The following ADAM22 variants were observed in gnomAD, a reference collection of about 807,000 sequenced individuals.
The protein encoded by ADAM22 is ADAM metallopeptidase domain 22.
ADAM22 carries 65 observed loss-of-function variants against 144.6 expected under a neutral mutation model. The observed-to-expected ratio is 0.45, with a 90% CI of 0.37 to 0.55. The LOEUF is 0.55. Ranked by LOEUF, ADAM22 falls within the 20% of genes least tolerant of loss-of-function variation. ADAM22 has a pLI of 0.00. For synonymous variants in ADAM22, 391 were observed against 412.6 expected (o/e 0.95, Z 0.63); for missense variants, 974 against 1,184.9 (o/e 0.82, Z 2.61).
At chr7:88,066,269 T>A (rs1465363713) in intron 3 of ADAM22, among the ~76,000 whole-genome samples, 1 of 152,142 alleles carries the variant, frequency 6.6e-6, no homozygotes, top group Non-Finnish European at 1.5e-5. Context: ...ATGTTCATAT[T>A]CTGGAAATTT....
intron 14 of ADAM22, among the ~76,000 whole-genome samples, chr7:88,140,724 T>A (rs1263701531): frequency 1.3e-5 from 2 of 152,078 alleles, no homozygotes; most frequent in African/African-American, 4.8e-5. Context: ...TAGTCCCAGC[T>A]ACTCGGGAGG....
chr7:88,087,083 A>G (rs1818638045), intron 4 of ADAM22, among the ~76,000 whole-genome samples: 1 of 152,206 alleles, frequency 6.6e-6, no homozygotes, highest in Admixed American at 6.5e-5. Context: ...AAGGAGTAAT[A>G]AAGCTGCAGT....
chr7:88,111,137 C>T (rs559659939), intron 5 of ADAM22, among the ~76,000 whole-genome samples: 1 of 151,916 alleles, frequency 6.6e-6, no homozygotes, highest in Non-Finnish European at 1.5e-5. Flanking sequence ...TTGTGTATGA[C>T]CATTTTAGGC....
intron 3 of ADAM22, among the ~76,000 whole-genome samples, chr7:88,036,427 A>G (rs916703100): frequency 6.6e-6 from 1 of 152,166 alleles, no homozygotes; most frequent in African/African-American, 2.4e-5. Flanking sequence ...GGGAGTAAAG[A>G]TGTAAAATAT....
chr7:88,019,531 A>G (rs907230217), intron 3 of ADAM22, among the ~76,000 whole-genome samples: 2 of 151,994 alleles, frequency 1.3e-5, no homozygotes, highest in Non-Finnish European at 2.9e-5. Flanking sequence ...GAAATTTATA[A>G]TGGTATAAAC....
At chr7:88,113,703 A>ATATATATATTATAAATATAT (rs1554478728) in intron 5 of ADAM22, among the ~76,000 whole-genome samples, 1 of 48,106 alleles carries the variant, frequency 2.1e-5, no homozygotes, top group African/African-American at 8.0e-5. Context: ...TAAATAAATA[A>ATATATATATTATAAATATAT]ATATATATAT....
At chr7:87,964,609 T>C (rs904450463) in intron 2 of ADAM22, 3 of 420,020 alleles carry the variant, frequency 7.1e-6, no homozygotes, top group African/African-American at 2.1e-5. Context: ...GTTTGAAAAA[T>C]TGTACTCATT....
chr7:88,103,514 A>T lies in ADAM22; in HGVS notation c.391-4662A>T, dbSNP rs17150234. 4.9e-3 allele frequency among the ~76,000 whole-genome samples: 743 copies of T among 152,086 alleles called. 11 individuals carry two copies. The highest frequency in any genetic ancestry group is 0.037 in the East Asian group (192 of 5,182). ...ATCGTCTTCATTTTTATAGAGGTAG[A>T]TTTTTTTTAGCTATAACTATGTAGC... On this transcript the variant is annotated intron_variant, in intron 4 of 31. Transcript: ENST00000413139.
At chr7:88,039,464 A>AAATATATAT in intron 3 of ADAM22, among the ~76,000 whole-genome samples, 1 of 76,378 alleles carries the variant, frequency 1.3e-5, no homozygotes, top group Non-Finnish European at 2.7e-5. Flanking sequence ...AAAAAAAAAA[A>AAATATATAT]ATATATATAT....
chr7:88,073,355 G>C (rs908540959), intron 3 of ADAM22, among the ~76,000 whole-genome samples: 1 of 152,112 alleles, frequency 6.6e-6, no homozygotes, highest in Non-Finnish European at 1.5e-5. Flanking sequence ...AGGGTCATGA[G>C]AGGAGCCAGT....
chr7:88,196,233 T>C (rs1850642766), intron 31 of ADAM22, among the ~76,000 whole-genome samples: 1 of 152,230 alleles, frequency 6.6e-6, no homozygotes, highest in Admixed American at 6.5e-5. Flanking sequence ...TAAATGAGGA[T>C]GTGATGGTTT....
chr7:87,951,985 T>TG (rs1220742952), intron 2 of ADAM22, among the ~76,000 whole-genome samples: 1 of 149,272 alleles, frequency 6.7e-6, no homozygotes, highest in Non-Finnish European at 1.5e-5. Context: ...TTTTGTACAT[T>TG]GATTTTGTAT....
At chr7:87,944,132 T>G (rs1300571512) in intron 2 of ADAM22, among the ~76,000 whole-genome samples, 1 of 152,072 alleles carries the variant, frequency 6.6e-6, no homozygotes, top group Non-Finnish European at 1.5e-5. Flanking sequence ...ATTTCTATTC[T>G]GCTTTATTTT....
intron 3 of ADAM22, among the ~76,000 whole-genome samples, chr7:88,007,080 A>T (rs538365682): frequency 6.6e-6 from 1 of 152,338 alleles, no homozygotes; most frequent in Admixed American, 6.5e-5. Flanking sequence ...CAATGTACAA[A>T]AATCACAAGC....
intron 29 of ADAM22, among the ~76,000 whole-genome samples, chr7:88,182,393 C>A (rs1005179544): frequency 2.6e-5 from 4 of 152,142 alleles, no homozygotes; most frequent in Non-Finnish European, 5.9e-5. Context: ...CTCACACAGC[C>A]TTGTAAGCAT....
intron 3 of ADAM22, among the ~76,000 whole-genome samples, chr7:88,018,225 T>G (rs918656143): frequency 6.6e-6 from 1 of 152,180 alleles, no homozygotes; most frequent in African/African-American, 2.4e-5. Flanking sequence ...TTTGCCTTCC[T>G]TTTTTGTCCT....
Position 88,124,794 on chromosome 7 carries a change from T to C in ADAM22, c.608-795T>C, listed in dbSNP as rs189263201. On this transcript the variant is annotated intron_variant, in intron 7 of 31. Coordinates refer to ENST00000413139, the MANE Select transcript of ADAM22 (RefSeq NM_001324418.2). ...ACACTAATTTCCTTACCCGATTTTATTATTCAGCTTCTTGGTCACAAATTT... is the reference window on the plus strand; with the variant it reads ...ACACTAATTTCCTTACCCGATTTTACTATTCAGCTTCTTGGTCACAAATTT... Among the ~76,000 whole-genome samples the C allele has an allele frequency of 1.1e-3, 169 of 152,150 alleles. 1 individual carries two copies. The highest frequency in any genetic ancestry group is 3.9e-3 in the African/African-American group (161 of 41,556).
At chr7:87,964,992 T>C (rs1848722137) in intron 2 of ADAM22, among the ~76,000 whole-genome samples, 1 of 152,222 alleles carries the variant, frequency 6.6e-6, no homozygotes, top group Non-Finnish European at 1.5e-5. Context: ...TTTTCTCTCT[T>C]TCTTTCTCTT....
At chr7:87,941,693 CT>C (rs1431661131) in intron 2 of ADAM22, among the ~76,000 whole-genome samples, 1 of 151,984 alleles carries the variant, frequency 6.6e-6, no homozygotes, top group Non-Finnish European at 1.5e-5. Context: ...AGGAGTTTCC[CT>C]TAGTCTTGTT....
Sources: allele counts gnomAD v4.1 joint callset (sites outside exome capture counted in the v4.1 genomes callset), GRCh38; gene constraint gnomAD v4.1.1; transcripts MANE v1.5; gene names NCBI Gene and HGNC (gene_info 2026-07-23, HGNC 2026-07-21).